The following CNTN4 variants were observed in gnomAD, a reference collection of about 807,000 sequenced individuals.
CNTN4 encodes the protein contactin-4.
CNTN4 carries 77 observed loss-of-function variants against 122.5 expected under a neutral mutation model. The observed-to-expected ratio is 0.63, with a 90% CI of 0.52 to 0.76. The LOEUF (loss-of-function observed/expected upper bound fraction) is 0.76. Among genes scored for constraint, CNTN4 ranks in the 30% least tolerant of loss-of-function variants. The pLI, the probability that CNTN4 is intolerant of heterozygous loss-of-function variation, is 0.00. For synonymous variants in CNTN4, 512 were observed against 447.0 expected (o/e 1.15, Z -1.83); for missense variants, 1,256 against 1,259.1 (o/e 1.00, Z 0.04).
chr3:2,344,533 C>G (rs2044331349), intron 3 of CNTN4, among the ~76,000 whole-genome samples: 1 of 152,086 alleles, frequency 6.6e-6, no homozygotes, highest in South Asian at 2.1e-4. Flanking sequence ...CCGCTTCAGC[C>G]TCCCAAAGTG....
chr3:2,836,761 A>G (rs2093233914), intron 7 of CNTN4, among the ~76,000 whole-genome samples: 2 of 120,892 alleles, frequency 1.7e-5, no homozygotes, highest in Admixed American at 1.1e-4. Flanking sequence ...GTAAAAAGAT[A>G]CTTCTGGGGT....
chr3:2,328,374 C>T (rs2043562390), intron 2 of CNTN4, among the ~76,000 whole-genome samples: 1 of 151,506 alleles, frequency 6.6e-6, no homozygotes, highest in Non-Finnish European at 1.5e-5. Context: ...CCACCGCCCT[C>T]CAGCCTGGGC....
intron 3 of CNTN4, among the ~76,000 whole-genome samples, chr3:2,506,711 A>G (rs2076740081): frequency 6.6e-6 from 1 of 152,178 alleles, no homozygotes. Flanking sequence ...TTGCCCATCT[A>G]TTTAGGGACA....
rs535542853 is a variant in CNTN4 at position 2,752,717 on chromosome 3, C to T, written c.358+7020C>T. Among the ~76,000 whole-genome samples, 73 of 152,264 alleles carry T rather than the reference C, an allele frequency of 4.8e-4. 1 individual carries two copies. Among genetic ancestry groups the T allele is most frequent in the South Asian group, 3.7e-3 (18 of 4,806 alleles). Reference sequence around the variant, plus strand: ...GAGCACAAGAACTTATCCCTCCTATCTAGCTGTAATTTTTTGTCTGTTAAC... The same window carrying T: ...GAGCACAAGAACTTATCCCTCCTATTTAGCTGTAATTTTTTGTCTGTTAAC... On this transcript the variant is annotated intron_variant, in intron 6 of 24. Coordinates refer to ENST00000418658, the MANE Select transcript of CNTN4 (RefSeq NM_175607.3).
intron 2 of CNTN4, among the ~76,000 whole-genome samples, chr3:2,272,434 C>T (rs1455851285): frequency 6.6e-6 from 1 of 151,958 alleles, no homozygotes; most frequent in East Asian, 1.9e-4. Flanking sequence ...CATCATTGTC[C>T]CAAAGTTTAA....
At chr3:2,935,731 G>A (rs2151461773) in intron 13 of CNTN4, among the ~76,000 whole-genome samples, 1 of 152,228 alleles carries the variant, frequency 6.6e-6, no homozygotes, top group South Asian at 2.1e-4. Context: ...ACAGCTATTG[G>A]TTATTTAATT....
chr3:2,516,476 C>G (rs2077042514), intron 3 of CNTN4, among the ~76,000 whole-genome samples: 1 of 151,958 alleles, frequency 6.6e-6, no homozygotes, highest in Non-Finnish European at 1.5e-5. Flanking sequence ...AATCTAGTAC[C>G]TCTGTTGACT....
At chr3:2,887,713 A>G (rs1217831480) in intron 10 of CNTN4, among the ~76,000 whole-genome samples, 2 of 152,176 alleles carry the variant, frequency 1.3e-5, no homozygotes, top group African/African-American at 4.8e-5. Flanking sequence ...AGTTCTTATC[A>G]GAGTGGAACG....
chr3:2,302,034 G>T (rs1306149651), intron 2 of CNTN4, among the ~76,000 whole-genome samples: 2 of 152,202 alleles, frequency 1.3e-5, no homozygotes. Context: ...GTACAATTCT[G>T]TCTAAATTGG....
At chr3:2,816,524 C>G (rs987161831) in intron 6 of CNTN4, among the ~76,000 whole-genome samples, 6 of 151,688 alleles carry the variant, frequency 4.0e-5, no homozygotes, top group Non-Finnish European at 2.9e-5. Flanking sequence ...CAAATGACCA[C>G]TAAAGAACTT....
intron 3 of CNTN4, among the ~76,000 whole-genome samples, chr3:2,351,484 T>C (rs2044620684): frequency 6.6e-6 from 1 of 152,188 alleles, no homozygotes; most frequent in Non-Finnish European, 1.5e-5. Context: ...GATACTTAGT[T>C]GTATTTGAAA....
At chr3:2,980,648 G>GACA (rs1693871386) in intron 13 of CNTN4, among the ~76,000 whole-genome samples, 1 of 152,162 alleles carries the variant, frequency 6.6e-6, no homozygotes, top group Non-Finnish European at 1.5e-5. Flanking sequence ...GAAAATTAAG[G>GACA]ACACGGGCAC....
intron 6 of CNTN4, among the ~76,000 whole-genome samples, chr3:2,781,716 ATTTTTTT>A (rs59896254): frequency 3.5e-5 from 3 of 85,954 alleles, no homozygotes; most frequent in Admixed American, 1.4e-4. Flanking sequence ...CTTTGGGTAA[ATTTTTTT>A]TTTTTTTTTT....
chr3:2,305,199 T>C (rs1295033250), intron 2 of CNTN4, among the ~76,000 whole-genome samples: 2 of 152,144 alleles, frequency 1.3e-5, no homozygotes, highest in African/African-American at 2.4e-5. Context: ...TTTCTGATTC[T>C]ACTCTGGCCT....
chr3:2,576,244 G>A (rs930183094), intron 4 of CNTN4, among the ~76,000 whole-genome samples: 1 of 152,166 alleles, frequency 6.6e-6, no homozygotes, highest in African/African-American at 2.4e-5. Context: ...TCCAGAAAAT[G>A]TCTGGCACAT....
At chr3:2,133,760 ATTAC>A (rs139689974) in intron 2 of CNTN4, among the ~76,000 whole-genome samples, 22,244 of 152,140 alleles carry the variant, frequency 0.15, 1,904 homozygotes, top group South Asian at 0.37. Flanking sequence ...TTGTTAGGAA[ATTAC>A]TTGTATGCCT....
intron 2 of CNTN4, among the ~76,000 whole-genome samples, chr3:2,115,238 A>G (rs141365263): frequency 1.2e-3 from 181 of 152,314 alleles, no homozygotes; most frequent in African/African-American, 4.2e-3. Context: ...TAGTAGATGT[A>G]TGCTTTTTAC....
intron 14 of CNTN4, chr3:3,008,977 A>C: frequency 1.0e-6 from 1 of 985,370 alleles, no homozygotes; most frequent in South Asian, 4.7e-5. Flanking sequence ...AAACTTCGTC[A>C]TTACAGAATC....
intron 2 of CNTN4, among the ~76,000 whole-genome samples, chr3:2,246,497 C>G (rs1255124125): frequency 6.6e-6 from 1 of 151,920 alleles, no homozygotes; most frequent in East Asian, 1.9e-4. Flanking sequence ...TCATGCTGGC[C>G]CATAGCTGTG....
Sources: allele counts gnomAD v4.1 joint callset (sites outside exome capture counted in the v4.1 genomes callset), GRCh38; gene constraint gnomAD v4.1.1; transcripts MANE v1.5; gene names NCBI Gene and HGNC (gene_info 2026-07-23, HGNC 2026-07-21).